MAGI3: variants seen among roughly 807,000 people sequenced by gnomAD.
MAGI3 encodes membrane associated guanylate kinase, WW and PDZ domain containing 3.
MAGI3 carries 43 observed loss-of-function variants against 121.8 expected under a neutral mutation model. The ratio of observed to expected loss-of-function variants is 0.35; its 90% CI spans 0.28 to 0.46. The LOEUF (loss-of-function observed/expected upper bound fraction) is 0.46. Ranked by LOEUF, MAGI3 falls within the 20% of genes least tolerant of loss-of-function variation. The pLI is 1.00. For missense variants in MAGI3, 1,547 were observed against 1,797.3 expected (o/e 0.86, Z 2.52); for synonymous variants, 553 against 639.3 (o/e 0.86, Z 2.04).
chr1:113,626,275 G>A (rs1651235814), intron 9 of MAGI3, among the ~76,000 whole-genome samples: 1 of 152,160 alleles, frequency 6.6e-6, no homozygotes, highest in Non-Finnish European at 1.5e-5. Context: ...CTGATTATTT[G>A]CATATATTGT....
intron 16 of MAGI3, 93 bp downstream of exon 16, chr1:113,659,358 C>T (rs1269286857): frequency 3.2e-6 from 4 of 1,244,754 alleles, no homozygotes; most frequent in Non-Finnish European, 4.5e-6. Context: ...GCCAGAATCA[C>T]TGCGGGGATA....
intron 1 of MAGI3, among the ~76,000 whole-genome samples, chr1:113,541,162 C>T (rs1372218237): frequency 2.0e-5 from 3 of 152,190 alleles, no homozygotes; most frequent in Admixed American, 6.5e-5. Flanking sequence ...AGGAAACCAG[C>T]AGGCTTGACC....
rs80356085 is a variant in MAGI3 at position 113,648,732 on chromosome 1, T to C, written c.2156-505T>C. 4.2e-4 allele frequency among the ~76,000 whole-genome samples: 64 copies of C among 152,278 alleles called. 1 individual carries two copies. The East Asian group carries it at 6.8e-3, about 16-fold the overall frequency. On this transcript the variant is annotated intron_variant, in intron 12 of 20. Transcript: ENST00000307546. ...TCTTAATTATTTTCCTTTAAAATGCTATCATTTTGCAAAACTAGGCTAGGT... is the reference window on the plus strand; with the variant it reads ...TCTTAATTATTTTCCTTTAAAATGCCATCATTTTGCAAAACTAGGCTAGGT...
chr1:113,600,804 C>T (rs1268347144), intron 6 of MAGI3, among the ~76,000 whole-genome samples: 1 of 152,170 alleles, frequency 6.6e-6, no homozygotes, highest in African/African-American at 2.4e-5. Flanking sequence ...AGGCATCACA[C>T]TACCTGACTT....
intron 1 of MAGI3, among the ~76,000 whole-genome samples, chr1:113,471,943 G>A (rs1655555368): frequency 6.6e-6 from 1 of 152,084 alleles, no homozygotes; most frequent in Non-Finnish European, 1.5e-5. Context: ...ATATTTAGAT[G>A]TTCTGGTCCA....
chr1:113,479,603 G>T (rs185895833), intron 1 of MAGI3, among the ~76,000 whole-genome samples: 126 of 152,188 alleles, frequency 8.3e-4, no homozygotes, highest in East Asian at 3.1e-3. Flanking sequence ...TCTATTTCAG[G>T]TTCTTTGGGC....
At chr1:113,640,925 T>A (rs372734977) in intron 9 of MAGI3, among the ~76,000 whole-genome samples, 80,350 of 116,408 alleles carry the variant, frequency 0.69, 26,953 homozygotes, top group African/African-American at 0.78. Flanking sequence ...ATGATATATT[T>A]TATATATCAT....
chr1:113,551,365 A>T (rs1055540534), intron 2 of MAGI3, among the ~76,000 whole-genome samples: 24 of 152,164 alleles, frequency 1.6e-4, no homozygotes, highest in African/African-American at 5.6e-4. Context: ...ATTTCTCAGC[A>T]CTATAGGAAA....
At chr1:113,604,132 G>A (rs929488231) in intron 6 of MAGI3, among the ~76,000 whole-genome samples, 5 of 152,048 alleles carry the variant, frequency 3.3e-5, no homozygotes, top group Non-Finnish European at 7.4e-5. Context: ...CCACTCCTGG[G>A]CACCTATCCA....
chr1:113,447,047 G>A (rs1026471904), intron 1 of MAGI3, among the ~76,000 whole-genome samples: 9 of 152,102 alleles, frequency 5.9e-5, no homozygotes, highest in African/African-American at 2.2e-4. Context: ...GTTTCATTTT[G>A]GTGTAATAAA....
At chr1:113,674,608 A>G (rs921763941) in intron 19 of MAGI3, among the ~76,000 whole-genome samples, 1 of 152,134 alleles carries the variant, frequency 6.6e-6, no homozygotes, top group Admixed American at 6.5e-5. Flanking sequence ...TAATTCAATT[A>G]GAAAGGCAAA....
chr1:113,505,018 C>T (rs972991137), intron 1 of MAGI3, among the ~76,000 whole-genome samples: 5 of 152,000 alleles, frequency 3.3e-5, no homozygotes, highest in African/African-American at 9.7e-5. Flanking sequence ...GTGTGTGAAC[C>T]TACACATTTA....
At chr1:113,586,694 A>G (rs965655158) in intron 4 of MAGI3, among the ~76,000 whole-genome samples, 1 of 152,218 alleles carries the variant, frequency 6.6e-6, no homozygotes, top group Non-Finnish European at 1.5e-5. Flanking sequence ...ATCCCACAAA[A>G]TTAAGTCTGT....
chr1:113,596,547 T>C (rs1301665025), intron 6 of MAGI3, among the ~76,000 whole-genome samples: 2 of 152,112 alleles, frequency 1.3e-5, no homozygotes, highest in African/African-American at 4.8e-5. Flanking sequence ...GAAAAATGAA[T>C]AGACAAAGTC....
chr1:113,401,947 C>T (rs563896398), intron 1 of MAGI3, among the ~76,000 whole-genome samples: 9 of 152,256 alleles, frequency 5.9e-5, no homozygotes, highest in Admixed American at 3.9e-4. Context: ...TAAGTGTTTA[C>T]GCTGTTATGT....
At chr1:113,581,091 T>C (rs1162864801) in intron 3 of MAGI3, 2 of 152,214 alleles carry the variant, frequency 1.3e-5, no homozygotes, top group African/African-American at 4.8e-5. Flanking sequence ...AACAGAATAA[T>C]TGGTTTTCTT....
chr1:113,488,211 GAGAAGTGGT>G (rs1226957345), intron 1 of MAGI3, among the ~76,000 whole-genome samples: 1 of 152,200 alleles, frequency 6.6e-6, no homozygotes, highest in Non-Finnish European at 1.5e-5. Flanking sequence ...TATATGCTCA[GAGAAGTGGT>G]AGAAGCATCA....
intron 1 of MAGI3, among the ~76,000 whole-genome samples, chr1:113,527,166 G>T (rs1276874391): frequency 6.6e-6 from 1 of 151,766 alleles, no homozygotes; most frequent in Non-Finnish European, 1.5e-5. Flanking sequence ...GTGAGGGGGA[G>T]AAAAAGAGCC....
chr1:113,460,796 G>A (rs1280947653), intron 1 of MAGI3, among the ~76,000 whole-genome samples: 2 of 151,280 alleles, frequency 1.3e-5, no homozygotes, highest in African/African-American at 2.4e-5. Flanking sequence ...GTGACAGAGC[G>A]AGACTCCATC....
Sources: gnomAD v4.1 joint callset for allele counts (sites outside exome capture counted in the v4.1 genomes callset) on GRCh38, gnomAD v4.1.1 for gene constraint, MANE v1.5 for transcripts, NCBI Gene and HGNC (gene_info 2026-07-23, HGNC 2026-07-21) for gene names.